PLPPR1: variants seen among roughly 807,000 people sequenced by gnomAD.
PLPPR1 encodes phospholipid phosphatase-related protein type 1.
PLPPR1 carries 10 observed loss-of-function variants against 33.1 expected under a neutral mutation model. The observed-to-expected ratio is 0.30, with a 90% CI of 0.19 to 0.51. The LOEUF is 0.51. PLPPR1 is among the 20% of genes least tolerant of loss of function. The probability of loss-of-function intolerance (pLI) is 0.97; values close to 1 mark genes in which losing one functional copy is unlikely to be tolerated. For missense variants in PLPPR1, 304 were observed against 408.1 expected, an observed-to-expected ratio of 0.74 and a Z score of 2.20; for synonymous variants, 151 against 151.0, an observed-to-expected ratio of 1.00 and a Z score of 0.00.
At chr9:101,073,704 CT>C (rs1830506169) in intron 1 of PLPPR1, among the ~76,000 whole-genome samples, 1 of 152,128 alleles carries the variant, frequency 6.6e-6, no homozygotes. Flanking sequence ...CCTTGTCACA[CT>C]TGACTTTTGT....
intron 1 of PLPPR1, among the ~76,000 whole-genome samples, chr9:101,115,742 C>T (rs1831110687): frequency 6.6e-6 from 1 of 152,110 alleles, no homozygotes; most frequent in South Asian, 2.1e-4. Context: ...AAAGGGATTT[C>T]TTGCTTTCTT....
intron 1 of PLPPR1, among the ~76,000 whole-genome samples, chr9:101,032,321 A>G (rs1028125021): frequency 2.0e-5 from 3 of 152,160 alleles, no homozygotes; most frequent in Non-Finnish European, 4.4e-5. Flanking sequence ...GTGGAGGATG[A>G]CTTGGAGGTG....
chr9:101,216,358 A>C (rs1032226553), intron 2 of PLPPR1, among the ~76,000 whole-genome samples: 1 of 151,802 alleles, frequency 6.6e-6, no homozygotes, highest in African/African-American at 2.4e-5. Flanking sequence ...TCTTTTGCCC[A>C]TTTTGATTGG....
intron 2 of PLPPR1, among the ~76,000 whole-genome samples, chr9:101,236,790 T>C (rs571282714): frequency 9.8e-4 from 149 of 151,780 alleles, no homozygotes; most frequent in Admixed American, 3.6e-3. Context: ...AAAATATGTA[T>C]TATTGTTAAC....
At chr9:101,245,628 G>GAGTA (rs1287541818) in intron 2 of PLPPR1, among the ~76,000 whole-genome samples, 1 of 151,882 alleles carries the variant, frequency 6.6e-6, no homozygotes, top group African/African-American at 2.4e-5. Flanking sequence ...AACGCTAAAA[G>GAGTA]AGTAAGAATC....
chr9:101,086,814 C>T (rs1051518047), intron 1 of PLPPR1, among the ~76,000 whole-genome samples: 3 of 152,134 alleles, frequency 2.0e-5, no homozygotes, highest in Admixed American at 2.0e-4. Context: ...ACTCTATATC[C>T]ACAGTGTTCC....
chr9:101,277,221 T>C (rs1828213570), intron 3 of PLPPR1, among the ~76,000 whole-genome samples: 1 of 152,218 alleles, frequency 6.6e-6, no homozygotes, highest in African/African-American at 2.4e-5. Flanking sequence ...TCCGTAAGAC[T>C]GAGAGCCCTG....
At chr9:101,212,086 T>G (rs527380421) in intron 2 of PLPPR1, among the ~76,000 whole-genome samples, 8 of 152,164 alleles carry the variant, frequency 5.3e-5, no homozygotes, top group Non-Finnish European at 8.8e-5. Flanking sequence ...GGCTATTGTT[T>G]GTTTGTTTGT....
chr9:101,068,692 C>G (rs142659151), intron 1 of PLPPR1, among the ~76,000 whole-genome samples: 4 of 151,928 alleles, frequency 2.6e-5, no homozygotes, highest in Non-Finnish European at 5.9e-5. Context: ...CAAATGTGCT[C>G]AAGACTTACT....
chr9:101,254,085 A>C (rs1291380837), intron 2 of PLPPR1, among the ~76,000 whole-genome samples: 1 of 152,074 alleles, frequency 6.6e-6, no homozygotes, highest in Non-Finnish European at 1.5e-5. Flanking sequence ...ATTTTGTGGA[A>C]GACAGTTTTT....
At chr9:101,288,863 T>C (rs766312316) in intron 4 of PLPPR1, among the ~76,000 whole-genome samples, 2 of 152,236 alleles carry the variant, frequency 1.3e-5, no homozygotes, top group Non-Finnish European at 1.5e-5. Flanking sequence ...TGCAATATCA[T>C]TGCATTCACC....
chr9:101,305,218 TGC>T (rs1491549180), intron 4 of PLPPR1, among the ~76,000 whole-genome samples: 1 of 151,414 alleles, frequency 6.6e-6, no homozygotes, highest in South Asian at 2.1e-4. Context: ...TGTGTGTGTG[TGC>T]GTGCATGTGT....
At chr9:101,211,063 G>A (rs970487084) in intron 2 of PLPPR1, among the ~76,000 whole-genome samples, 4 of 152,110 alleles carry the variant, frequency 2.6e-5, no homozygotes, top group African/African-American at 4.8e-5. Context: ...CACCGCCCCC[G>A]GCCTATAATT....
intron 1 of PLPPR1, among the ~76,000 whole-genome samples, chr9:101,161,169 A>C (rs16919999): frequency 0.027 from 4,051 of 152,302 alleles, 167 homozygotes; most frequent in African/African-American, 0.087. Context: ...CAAATGGAAC[A>C]AGCTGTAAGA....
At position 101,215,666 on chromosome 9, in the gene PLPPR1, T is replaced by G. The variant is rs569651594; in HGVS notation, c.63+30109T>G. ...TTCCCTTCCCAGCCTCTGGTAACCA[T>G]CATTGTACTCTCTATCTCCATTAGC... is the stretch of plus-strand genomic sequence containing the variant. On this transcript the variant is annotated intron_variant, in intron 2 of 7. Transcript: ENST00000374874. Among the ~76,000 whole-genome samples, 85 of 152,228 alleles carry G rather than the reference T, an allele frequency of 5.6e-4. 1 individual carries two copies. The highest frequency in any genetic ancestry group is 1.9e-3 in the African/African-American group (80 of 41,524).
chr9:101,171,693 C>T (rs1825944352), intron 1 of PLPPR1, among the ~76,000 whole-genome samples: 1 of 152,178 alleles, frequency 6.6e-6, no homozygotes, highest in African/African-American at 2.4e-5. Context: ...ATTTTGCACT[C>T]ACCTGCAATC....
At chr9:101,162,788 G>T (rs887450593) in intron 1 of PLPPR1, among the ~76,000 whole-genome samples, 8 of 152,158 alleles carry the variant, frequency 5.3e-5, no homozygotes, top group South Asian at 4.1e-4. Context: ...TGGTTGTCCA[G>T]ATGGGTTTGT....
intron 2 of PLPPR1, among the ~76,000 whole-genome samples, chr9:101,231,307 G>C (rs1291406193): frequency 6.7e-6 from 1 of 149,372 alleles, no homozygotes; most frequent in Non-Finnish European, 1.5e-5. Flanking sequence ...ACTTGTAAGA[G>C]AGCAGTGGGA....
intron 1 of PLPPR1, among the ~76,000 whole-genome samples, chr9:101,054,151 G>A (rs1180001587): frequency 6.6e-6 from 1 of 151,928 alleles, no homozygotes; most frequent in Admixed American, 6.6e-5. Flanking sequence ...GCCACTGCAC[G>A]CCAGCCTGGG....
Sources: gnomAD v4.1 joint callset for allele counts (sites outside exome capture counted in the v4.1 genomes callset) on GRCh38, gnomAD v4.1.1 for gene constraint, MANE v1.5 for transcripts, NCBI Gene and HGNC (gene_info 2026-07-23, HGNC 2026-07-21) for gene names.